Variants in GMDS observed in about 807,000 individuals in gnomAD.
The protein encoded by GMDS is GDP-mannose 4,6 dehydratase.
In GMDS, 20 loss-of-function variants were observed where a neutral mutation model predicts 49.9. The observed-to-expected ratio is 0.40, with a 90% CI of 0.28 to 0.58. GMDS has a LOEUF of 0.58. GMDS is among the 20% of genes least tolerant of loss of function. The probability of loss-of-function intolerance (pLI) is 0.42; values close to 1 mark genes in which losing one functional copy is unlikely to be tolerated. For synonymous variants in GMDS, 177 were observed against 178.6 expected (o/e 0.99, Z 0.07); for missense variants, 362 against 481.4 (o/e 0.75, Z 2.32).
At chr6:2,199,079 A>G (rs528601005) in intron 1 of GMDS, among the ~76,000 whole-genome samples, 7 of 152,356 alleles carry the variant, frequency 4.6e-5, no homozygotes, top group African/African-American at 1.7e-4. Context: ...AATATTTCAA[A>G]ATGTAATTCC....
rs35503764 is a variant in GMDS at position 2,212,707 on chromosome 6, T to TAA, written c.102+32612_102+32613dup. Among the ~76,000 whole-genome samples the TAA allele has an allele frequency of 9.9e-3, 1,129 of 113,534 alleles. 13 individuals carry two copies. Among genetic ancestry groups the TAA allele is most frequent in the African/African-American group, 0.029 (959 of 32,570 alleles). 74.5% of individuals were successfully genotyped at this position (113,534 alleles called of 152,430 possible). On this transcript the variant is annotated intron_variant, in intron 1 of 10. Coordinates refer to ENST00000380815, the MANE Select transcript of GMDS (RefSeq NM_001500.4). Reference sequence around the variant, plus strand: ...CTTATACCAAAATTAGATTAACTTGTAAAAAAAAAAAAAAAAAAAAAACTA... The same window carrying TAA: ...CTTATACCAAAATTAGATTAACTTGTAAAAAAAAAAAAAAAAAAAAAAAACTA...
At chr6:1,756,039 A>G (rs1330192325) in intron 7 of GMDS, among the ~76,000 whole-genome samples, 1 of 152,248 alleles carries the variant, frequency 6.6e-6, no homozygotes, top group East Asian at 1.9e-4. Flanking sequence ...TGCAGAATCT[A>G]TAAGGAACTT....
chr6:2,066,872 A>T (rs1434928415), intron 4 of GMDS, among the ~76,000 whole-genome samples: 1 of 151,888 alleles, frequency 6.6e-6, no homozygotes, highest in African/African-American at 2.4e-5. Flanking sequence ...GAAAGTCAAC[A>T]AGGATACCCA....
chr6:2,044,394 A>G (rs1769870062), intron 4 of GMDS, among the ~76,000 whole-genome samples: 1 of 152,214 alleles, frequency 6.6e-6, no homozygotes, highest in African/African-American at 2.4e-5. Flanking sequence ...AAAAAGAACA[A>G]GATCATATTC....
At chr6:1,897,218 C>T (rs763616369) in intron 7 of GMDS, among the ~76,000 whole-genome samples, 2 of 152,244 alleles carry the variant, frequency 1.3e-5, no homozygotes, top group Non-Finnish European at 2.9e-5. Flanking sequence ...TGTGTCCTCA[C>T]ATGGCCTTTC....
intron 8 of GMDS, among the ~76,000 whole-genome samples, chr6:1,727,050 G>A (rs1173732976): frequency 1.3e-5 from 2 of 151,940 alleles, no homozygotes; most frequent in African/African-American, 2.4e-5. Flanking sequence ...CTGCTCTCCC[G>A]TCAATGGTGG....
At chr6:1,999,941 TA>T (rs1479519317) in intron 4 of GMDS, among the ~76,000 whole-genome samples, 16 of 60,062 alleles carry the variant, frequency 2.7e-4, no homozygotes, top group South Asian at 5.6e-4. Context: ...TTATTATATA[TA>T]ATATATAATA....
intron 9 of GMDS, among the ~76,000 whole-genome samples, chr6:1,718,065 T>C (rs1695049015): frequency 6.6e-6 from 1 of 152,182 alleles, no homozygotes; most frequent in Admixed American, 6.5e-5. Flanking sequence ...ACCTACTTTT[T>C]CAAAATATGT....
At chr6:2,016,468 C>G (rs893423049) in intron 4 of GMDS, among the ~76,000 whole-genome samples, 2 of 152,134 alleles carry the variant, frequency 1.3e-5, no homozygotes, top group East Asian at 3.9e-4. Context: ...AAAGCTACCA[C>G]AACCAAAAGG....
intron 8 of GMDS, among the ~76,000 whole-genome samples, chr6:1,728,203 G>C (rs1766659095): frequency 1.3e-5 from 2 of 152,152 alleles, no homozygotes; most frequent in African/African-American, 4.8e-5. Flanking sequence ...CACAGGAAGG[G>C]AGGACAATTG....
chr6:2,136,301 A>G (rs1196052508), intron 1 of GMDS, among the ~76,000 whole-genome samples: 1 of 152,244 alleles, frequency 6.6e-6, no homozygotes, highest in East Asian at 1.9e-4. Flanking sequence ...AAGTAAATTC[A>G]TGTACCCAAC....
intron 7 of GMDS, among the ~76,000 whole-genome samples, chr6:1,759,696 GC>G (rs1353867106): frequency 6.6e-6 from 1 of 152,180 alleles, no homozygotes; most frequent in Non-Finnish European, 1.5e-5. Flanking sequence ...ATAGGAAAAA[GC>G]GTTTTAAAAG....
At chr6:1,872,873 A>C (rs1758845542) in intron 7 of GMDS, among the ~76,000 whole-genome samples, 1 of 152,264 alleles carries the variant, frequency 6.6e-6, no homozygotes. Flanking sequence ...AGCCCCCGAC[A>C]GCTGTTTACA....
intron 7 of GMDS, among the ~76,000 whole-genome samples, chr6:1,749,624 T>C (rs1767645811): frequency 6.6e-6 from 1 of 151,946 alleles, no homozygotes; most frequent in Non-Finnish European, 1.5e-5. Context: ...AAAAAGAAAT[T>C]GTCTTCTCCT....
chr6:1,703,654 TGCCCCACA>T (rs1765621513), intron 9 of GMDS, among the ~76,000 whole-genome samples: 1 of 152,234 alleles, frequency 6.6e-6, no homozygotes, highest in African/African-American at 2.4e-5. Flanking sequence ...CGAGGTGTCC[TGCCCCACA>T]GCTGCCAGGT....
chr6:2,237,313 T>C (rs1318885188), intron 1 of GMDS, among the ~76,000 whole-genome samples: 1 of 152,202 alleles, frequency 6.6e-6, no homozygotes, highest in Non-Finnish European at 1.5e-5. Flanking sequence ...GGTGCCCCAC[T>C]GCCAAGAACA....
chr6:1,803,814 T>C (rs1487417012), intron 7 of GMDS, among the ~76,000 whole-genome samples: 4 of 151,988 alleles, frequency 2.6e-5, no homozygotes, highest in Non-Finnish European at 1.5e-5. Context: ...GGAAATGAGG[T>C]GGGAGAGAGT....
At chr6:2,132,086 AT>A (rs200856110) in intron 1 of GMDS, among the ~76,000 whole-genome samples, 1 of 152,194 alleles carries the variant, frequency 6.6e-6, no homozygotes, top group East Asian at 1.9e-4. Flanking sequence ...TTTCATCTCG[AT>A]TTTACAGATG....
chr6:1,750,975 G>A (rs1303926350), intron 7 of GMDS, among the ~76,000 whole-genome samples: 1 of 152,180 alleles, frequency 6.6e-6, no homozygotes, highest in Non-Finnish European at 1.5e-5. Context: ...ATGCGGCGGA[G>A]CCCACCACAG....
Sources: gnomAD v4.1 joint callset for allele counts (sites outside exome capture counted in the v4.1 genomes callset) on GRCh38, gnomAD v4.1.1 for gene constraint, MANE v1.5 for transcripts, NCBI Gene and HGNC (gene_info 2026-07-23, HGNC 2026-07-21) for gene names.